The following RAPGEF4 variants were observed in gnomAD, a reference collection of about 807,000 sequenced individuals.
RAPGEF4 encodes the protein RAP guanine-nucleotide-exchange factor (GEF) 4.
In RAPGEF4, 66 loss-of-function variants were observed where a neutral mutation model predicts 147.9. That is an observed-to-expected ratio of 0.45 (90% confidence interval 0.37 to 0.55). The LOEUF (loss-of-function observed/expected upper bound fraction) is 0.55. Among genes scored for constraint, RAPGEF4 ranks in the 20% least tolerant of loss-of-function variants. The pLI is 0.00. For synonymous variants in RAPGEF4, 419 were observed against 442.7 expected (o/e 0.95, Z 0.67); for missense variants, 1,071 against 1,257.3 (o/e 0.85, Z 2.24).
rs567593453 is a variant in RAPGEF4 at position 172,951,947 on chromosome 2, G to C, written c.538-8813G>C. Among the ~76,000 whole-genome samples, 5 of 152,274 alleles carry C rather than the reference G, an allele frequency of 3.3e-5. No homozygotes were observed. The East Asian group carries it at 7.7e-4, about 23-fold the overall frequency. On this transcript the variant is annotated intron_variant, in intron 6 of 30. Transcript: ENST00000397081. ...ACAGGATCATGATCTCTAGACAAGG[G>C]ATAACCAAGGCTTGGATAAGGCACA...
At chr2:172,735,822 C>A, upstream of RAPGEF4, 1 of 413,368 alleles carries the variant, frequency 2.4e-6, no homozygotes, top group Non-Finnish European at 3.6e-6. Context: ...CCGCCCCAGG[C>A]CGCGGGAGCC....
intron 8 of RAPGEF4, among the ~76,000 whole-genome samples, chr2:172,962,591 G>A (rs1309418409): frequency 6.6e-6 from 1 of 151,880 alleles, no homozygotes; most frequent in East Asian, 1.9e-4. Context: ...TATACTCCAT[G>A]CAAACTAATA....
chr2:172,950,933 T>G (rs575704761), intron 6 of RAPGEF4, among the ~76,000 whole-genome samples: 182 of 152,380 alleles, frequency 1.2e-3, no homozygotes, highest in African/African-American at 4.3e-3. Flanking sequence ...ACTCATCCAA[T>G]TCTTTGATGC....
chr2:172,781,113 A>C (rs924685670), intron 1 of RAPGEF4, among the ~76,000 whole-genome samples: 10 of 152,246 alleles, frequency 6.6e-5, no homozygotes, highest in African/African-American at 2.4e-4. Flanking sequence ...TAGTATTGTT[A>C]AATAAAAGTT....
At chr2:172,988,122 T>C in intron 12 of RAPGEF4, 74 bp from the exon 13 acceptor site, 2 of 1,481,240 alleles carry the variant, frequency 1.4e-6, no homozygotes, top group African/African-American at 1.4e-5. Context: ...CTTAAAGTGA[T>C]GATTTGATAA....
intron 26 of RAPGEF4, among the ~76,000 whole-genome samples, chr2:173,033,290 G>A (rs999339738): frequency 2.6e-5 from 4 of 152,176 alleles, no homozygotes; most frequent in Admixed American, 2.6e-4. Flanking sequence ...AGGCTCTAAT[G>A]AGAAGCAGCT....
At chr2:172,990,725 CA>C (rs1692747749) in intron 14 of RAPGEF4, 84 bp from the exon 15 acceptor site, 6 of 894,234 alleles carry the variant, frequency 6.7e-6, no homozygotes, top group Non-Finnish European at 1.1e-5. Context: ...TGACAAGCAC[CA>C]AATGAGTTTC....
chr2:172,963,600 T>C (rs1306765116), intron 8 of RAPGEF4, among the ~76,000 whole-genome samples: 1 of 152,162 alleles, frequency 6.6e-6, no homozygotes, highest in Non-Finnish European at 1.5e-5. Context: ...CCCTGAAATA[T>C]AGGTGTTATG....
chr2:172,819,497 G>T (rs1257969463), intron 4 of RAPGEF4, among the ~76,000 whole-genome samples: 8 of 82,014 alleles, frequency 9.8e-5, no homozygotes, highest in Non-Finnish European at 1.6e-4. Context: ...ACGGAGTCTC[G>T]CTCTGTCGCC....
At chr2:172,795,198 C>A in intron 2 of RAPGEF4, 31 bp downstream of exon 2, 3 of 1,564,282 alleles carry the variant, frequency 1.9e-6, no homozygotes, top group Non-Finnish European at 2.6e-6. Context: ...AGTATATTTC[C>A]ATGTATGGTT....
chr2:172,895,879 T>C (rs1698422411), intron 4 of RAPGEF4, among the ~76,000 whole-genome samples: 1 of 152,224 alleles, frequency 6.6e-6, no homozygotes, highest in African/African-American at 2.4e-5. Flanking sequence ...AGCTATATTA[T>C]TACAACAATT....
chr2:173,010,270 A>G (rs1694881601), intron 17 of RAPGEF4, among the ~76,000 whole-genome samples: 1 of 152,248 alleles, frequency 6.6e-6, no homozygotes, highest in Non-Finnish European at 1.5e-5. Flanking sequence ...ATACTAATTC[A>G]GTAAGTAATT....
At chr2:172,945,711 C>A (rs1183691563) in intron 6 of RAPGEF4, among the ~76,000 whole-genome samples, 3 of 152,078 alleles carry the variant, frequency 2.0e-5, no homozygotes, top group South Asian at 2.1e-4. Context: ...GTTTACATAG[C>A]ATGCATTTAA....
chr2:172,851,931 T>A (rs986348746), intron 4 of RAPGEF4, among the ~76,000 whole-genome samples: 32 of 152,196 alleles, frequency 2.1e-4, no homozygotes, highest in Admixed American at 8.5e-4. Context: ...AGAACAAACT[T>A]GTACATGTAC....
chr2:172,877,740 C>G lies in RAPGEF4; in HGVS notation c.445-40062C>G, dbSNP rs189395465. Among the ~76,000 whole-genome samples, 493 of 152,232 alleles carry G rather than the reference C, an allele frequency of 3.2e-3. 2 individuals are homozygous for G. Among genetic ancestry groups the G allele is most frequent in the African/African-American group, 0.011 (460 of 41,542 alleles). On this transcript the variant is annotated intron_variant, in intron 4 of 30. Transcript: ENST00000397081. The stretch of plus-strand genomic sequence containing the variant: ...TGCCTGTATTCTGGAAAGCACCCAG[C>G]CAAGTGCTGGCCTGAAGCTCTTTCT...
intron 6 of RAPGEF4, among the ~76,000 whole-genome samples, chr2:172,931,173 G>GGGT (rs1553533381): frequency 1.5e-4 from 1 of 6,782 alleles, no homozygotes; most frequent in African/African-American, 3.2e-4. Context: ...AGGCCGGGGT[G>GGGT]GGGGGGGGGG....
At chr2:173,012,803 A>G (rs1457983405) in intron 17 of RAPGEF4, among the ~76,000 whole-genome samples, 1 of 152,206 alleles carries the variant, frequency 6.6e-6, no homozygotes, top group Non-Finnish European at 1.5e-5. Context: ...TCAATCAGTC[A>G]AGACTTTCCT....
At chr2:172,769,329 G>A (rs559582031) in intron 1 of RAPGEF4, among the ~76,000 whole-genome samples, 1 of 152,248 alleles carries the variant, frequency 6.6e-6, no homozygotes, top group African/African-American at 2.4e-5. Flanking sequence ...ATAGGGGAGA[G>A]GCAAGTAGGG....
chr2:172,835,704 T>TTGATA (rs1690848422), intron 4 of RAPGEF4, among the ~76,000 whole-genome samples: 2 of 152,238 alleles, frequency 1.3e-5, no homozygotes, highest in African/African-American at 4.8e-5. Context: ...TTCTTGATAC[T>TTGATA]TATGATAATA....
Sources: gnomAD v4.1 joint callset for allele counts (sites outside exome capture counted in the v4.1 genomes callset) on GRCh38, gnomAD v4.1.1 for gene constraint, MANE v1.5 for transcripts, NCBI Gene and HGNC (gene_info 2026-07-23, HGNC 2026-07-21) for gene names.